CHD8: variants seen among roughly 807,000 people sequenced by gnomAD.
The protein encoded by CHD8 is ATP-dependent chromatin remodeler CHD8.
A neutral mutation model predicts 279.2 loss-of-function variants in CHD8; 31 were observed. That is an observed-to-expected ratio of 0.11 (90% confidence interval 0.08 to 0.15). The LOEUF (loss-of-function observed/expected upper bound fraction) is 0.15. Ranked by LOEUF, CHD8 falls within the 10% of genes least tolerant of loss-of-function variation. CHD8 has a pLI of 1.00. For missense variants in CHD8, 2,146 were observed against 3,230.5 expected (o/e 0.66, Z 8.14); for synonymous variants, 1,081 against 1,139.6 (o/e 0.95, Z 1.04).
intron 1 of CHD8, among the ~76,000 whole-genome samples, chr14:21,454,572 T>C (rs1216560898): frequency 3.9e-5 from 6 of 152,124 alleles, no homozygotes; most frequent in Non-Finnish European, 8.8e-5. Context: ...AAGTGATCCG[T>C]CCGCCTCCAC....
chr14:21,443,879 A>C (rs995349911), intron 1 of CHD8, among the ~76,000 whole-genome samples: 2 of 148,776 alleles, frequency 1.3e-5, no homozygotes, highest in Admixed American at 6.6e-5. Context: ...AAAAAAAAAA[A>C]CAACACTTTA....
Position 21,403,023 on chromosome 14 carries a change from G to A in CHD8, c.3708C>T (p.Asp1236=), listed in dbSNP as rs766621724. 3 of 1,612,598 alleles carry A rather than the reference G, an allele frequency of 1.9e-6. No homozygotes were observed. Among genetic ancestry groups the A allele is most frequent in the Non-Finnish European group, 2.5e-6 (3 of 1,178,916 alleles). ...AGACAATGAATTCCTTTACCTGCAG[G>A]TCATTTTGTGGATTCCAGTCTGAAT... ...IFDSDWNPQN[D]LQAQARCHRI... is the part of the protein sequence containing the mutation. The change falls in exon 18 of 38, where the codon GAC becomes GAT. Residue 1236 remains aspartate (D), a synonymous_variant. Coordinates refer to ENST00000646647, the MANE Select transcript of CHD8 (RefSeq NM_001170629.2). This position sits in a 1 kb window ranked among gnomAD's most constrained non-coding sequence, Gnocchi z 4.3.
chr14:21,419,818 C>T (rs1195045486), intron 5 of CHD8: 23 of 378,494 alleles, frequency 6.1e-5, no homozygotes, highest in Non-Finnish European at 1.1e-4. Context: ...AAAACATCCC[C>T]GAGGGATCTG....
Position 21,400,816 on chromosome 14 carries a change from G to A in CHD8, c.4370+59C>T. ...CCCCAATTTGAAAGGCAAACCAAGA[G>A]TATCTATCAGGATGGAGATGCACTA... On this transcript the variant is annotated intron_variant, in intron 22 of 37. Coordinates refer to ENST00000646647, the MANE Select transcript of CHD8 (RefSeq NM_001170629.2). The surrounding 1 kb of genome is among the most constrained non-coding windows in gnomAD (Gnocchi z 4.2). 2 of 1,479,370 alleles carry A rather than the reference G, an allele frequency of 1.4e-6. No homozygotes were observed. Among genetic ancestry groups the A allele is most frequent in the South Asian group, 2.7e-5 (2 of 74,840 alleles). 91.6% of individuals were successfully genotyped at this position (1,479,370 alleles called of 1,614,324 possible). A position where few individuals can be genotyped will look rare whatever the true frequency, so the allele number is the denominator to read the frequency against.
At chr14:21,397,311 GAGA>G (rs754282594) in intron 27 of CHD8, 3 of 518,568 alleles carry the variant, frequency 5.8e-6, no homozygotes, top group South Asian at 4.2e-5. Flanking sequence ...ATCTTCATGT[GAGA>G]AGTTTTGTTA....
At position 21,393,325 on chromosome 14, in the gene CHD8, G is replaced by A. The variant is rs770151655; in HGVS notation, c.6320-71C>T. The A allele has an allele frequency of 3.2e-6, 5 of 1,579,882 alleles. No homozygotes were observed. The Admixed American group carries it at 5.4e-5, about 17-fold the overall frequency. ...ATGTCATATGGTAATGGTATTATAT[G>A]GGCTTTGAATAAAGGCCCAAAGAAT... On this transcript the variant is annotated intron_variant, in intron 32 of 37. Transcript: ENST00000646647.
At chr14:21,409,738 TTA>T (rs1888405478) in intron 11 of CHD8, 111 bp downstream of exon 11, 3 of 988,864 alleles carry the variant, frequency 3.0e-6, no homozygotes, top group East Asian at 2.4e-5. Flanking sequence ...TCTTCGATTT[TTA>T]TATGTTTGAA....
At chr14:21,388,263 TAGTC>T (rs1337902820) in intron 37 of CHD8, among the ~76,000 whole-genome samples, 11 of 152,340 alleles carry the variant, frequency 7.2e-5, no homozygotes, top group African/African-American at 1.2e-4. Flanking sequence ...TGTATGCACA[TAGTC>T]AGCCTTCCAT....
At chr14:21,435,625 T>C (rs1334210933) in intron 1 of CHD8, among the ~76,000 whole-genome samples, 4 of 152,226 alleles carry the variant, frequency 2.6e-5, no homozygotes, top group Admixed American at 2.0e-4. Flanking sequence ...GCAGTGATTC[T>C]CAACCAGGGG....
At chr14:21,392,872 A>G in intron 33 of CHD8, 63 bp from the exon 34 acceptor site, 1 of 1,515,832 alleles carries the variant, frequency 6.6e-7, no homozygotes, top group Admixed American at 1.7e-5. Context: ...TGATCCTGTG[A>G]TACTCAATAG....
In CHD8 at chr14:21,429,018, T is replaced by C. The variant is rs759897480; in HGVS notation, c.1161A>G (p.Gly387=). 3 of 1,614,006 alleles carry C rather than the reference T, an allele frequency of 1.9e-6. No individual in the cohort carries two copies. Among genetic ancestry groups the C allele is most frequent in the East Asian group, 4.5e-5 (2 of 44,884 alleles). Residue 387 remains glycine (G), a synonymous_variant, in exon 3 of 38, where the codon GGA becomes GGG. Transcript: ENST00000646647. The part of the protein sequence containing the change: ...SVQQAQIMGP[G]QSPGQRLSVP... The stretch of plus-strand genomic sequence containing the variant: ...CTGAAAGTCTTTGTCCTGGGCTTTG[T>C]CCTGGTCCCATTATCTGAGCCTGCT...
At position 21,427,692 on chromosome 14, in the gene CHD8, G is replaced by C. The variant is rs1889386679; in HGVS notation, c.1601+177C>G. On this transcript the variant is annotated intron_variant, in intron 4 of 37. Transcript: ENST00000646647. The stretch of plus-strand genomic sequence containing the variant: ...CCAATAGCAAGGAGTACTCACTTGA[G>C]CTTACTCTTGCACGTCCCATCACAG... The C allele has an allele frequency of 2.0e-6, 3 of 1,500,656 alleles. No homozygotes were observed. The East Asian group carries it at 6.9e-5, about 34-fold the overall frequency. 93.0% of individuals were successfully genotyped at this position (1,500,656 alleles called of 1,614,324 possible). A position where few individuals can be genotyped will look rare whatever the true frequency, so the allele number is the denominator to read the frequency against.
Position 21,408,778 on chromosome 14 carries a change from T to C in CHD8, c.2412A>G (p.Glu804=), listed in dbSNP as rs1386385434. ...SAWKKLELSH[E]YKNRNQLREY... ...CCCGTAGCTGGTTTCTGTTTTTATA[T>C]TCATGTGATAGCTCCAATTTCTTCC... Residue 804 remains glutamate (E), a synonymous_variant, in exon 12 of 38, where the codon GAA becomes GAG. Coordinates refer to ENST00000646647, the MANE Select transcript of CHD8 (RefSeq NM_001170629.2). This position sits in a 1 kb window ranked among gnomAD's most constrained non-coding sequence, Gnocchi z 4.3. The C allele has an allele frequency of 6.2e-7, 1 of 1,610,160 alleles. No individual in the cohort carries two copies. The highest frequency in any genetic ancestry group is 8.5e-7 in the Non-Finnish European group (1 of 1,177,890).
intron 34 of CHD8, 78 bp downstream of exon 34, chr14:21,392,429 T>C (rs901063076): frequency 8.0e-5 from 109 of 1,360,730 alleles, no homozygotes; most frequent in Non-Finnish European, 1.1e-4. Context: ...ATGAGTTTAG[T>C]AACCTATTAG....
intron 8 of CHD8, 110 bp downstream of exon 8, chr14:21,414,828 T>A: frequency 1.3e-6 from 1 of 764,672 alleles, no homozygotes; most frequent in Admixed American, 2.7e-5. Flanking sequence ...AACAGCAACC[T>A]GGGCTACAAG....
Position 21,402,964 on chromosome 14 carries a change from T to C in CHD8, c.3714+53A>G. ...TCTTTCTAAAAGATCCTATTCTTGT[T>C]GAAAAATCTCCCAAGTTAGGTAGTT... On this transcript the variant is annotated intron_variant, in intron 18 of 37. Coordinates refer to ENST00000646647, the MANE Select transcript of CHD8 (RefSeq NM_001170629.2). This position sits in a 1 kb window ranked among gnomAD's most constrained non-coding sequence, Gnocchi z 4.5. The C allele has an allele frequency of 6.9e-7, 1 of 1,447,432 alleles. No individual in the cohort carries two copies. Among genetic ancestry groups the C allele is most frequent in the East Asian group, 2.3e-5 (1 of 43,854 alleles). 89.7% of individuals were successfully genotyped at this position (1,447,432 alleles called of 1,614,324 possible).
chr14:21,432,326 AAAT>A (rs1889598300), intron 1 of CHD8, among the ~76,000 whole-genome samples: 1 of 152,154 alleles, frequency 6.6e-6, no homozygotes, highest in African/African-American at 2.4e-5. Context: ...CTATTGGCAA[AAAT>A]AACCACCTTT....
At chr14:21,412,503 A>T (rs887387554) in intron 10 of CHD8, among the ~76,000 whole-genome samples, 6 of 152,198 alleles carry the variant, frequency 3.9e-5, no homozygotes, top group African/African-American at 9.6e-5. Context: ...TTCAGGAAGT[A>T]GCCCATTCTC....
At position 21,392,721 on chromosome 14, in the gene CHD8, A is replaced by G. The variant is rs1421199708; in HGVS notation, c.6557T>C (p.Val2186Ala). ...WPSSRRSQEM[V>A]TGGILGPGNH... is the part of the protein sequence containing the mutation. ...GCCTGGCCCCAAAATTCCTCCTGTT[A>G]CCATTTCCTGGCTCCTACGGCTAGA... Residue 2186 changes from valine to alanine, a missense_variant, in exon 34 of 38, where the codon GTA (valine) becomes GCA (alanine). Coordinates refer to ENST00000646647, the MANE Select transcript of CHD8 (RefSeq NM_001170629.2). 1 of 1,613,954 alleles carries G rather than the reference A, an allele frequency of 6.2e-7. No individual in the cohort carries two copies. The highest frequency in any genetic ancestry group is 1.7e-5 in the Admixed American group (1 of 60,004).
Sources: allele counts gnomAD v4.1 joint callset (sites outside exome capture counted in the v4.1 genomes callset), GRCh38; gene constraint gnomAD v4.1.1; non-coding constraint Gnocchi (gnomAD v3.1); transcripts MANE v1.5; gene names NCBI Gene and HGNC (gene_info 2026-07-23, HGNC 2026-07-21).